Variants in LPAR1 observed in about 807,000 individuals in gnomAD.
LPAR1 encodes lysophosphatidic acid receptor 1, also known as LPA receptor 1.
LPAR1 carries 5 observed loss-of-function variants against 23.8 expected under a neutral mutation model. That is an observed-to-expected ratio of 0.21 (90% CI 0.11 to 0.44). The LOEUF (loss-of-function observed/expected upper bound fraction) is 0.44. Ranked by LOEUF, LPAR1 falls within the 20% of genes least tolerant of loss-of-function variation. LPAR1 has a pLI of 0.99. For missense variants in LPAR1, 311 were observed against 482.8 expected (o/e 0.64, Z 3.33); for synonymous variants, 160 against 164.7 (o/e 0.97, Z 0.22).
chr9:110,902,710 G>A (rs2182578), intron 5 of LPAR1, among the ~76,000 whole-genome samples: 24,840 of 152,120 alleles, frequency 0.16, 2,593 homozygotes, highest in Admixed American at 0.24. Flanking sequence ...ACAGCAGGTG[G>A]CTTGCAGCAC....
intron 2 of LPAR1, among the ~76,000 whole-genome samples, chr9:111,034,251 CTAA>C (rs1269388961): frequency 1.3e-5 from 2 of 152,206 alleles, no homozygotes. Flanking sequence ...CGGTTTCAAA[CTAA>C]TAATAATTCT....
intron 5 of LPAR1, among the ~76,000 whole-genome samples, chr9:110,899,533 G>A (rs966318634): frequency 6.6e-6 from 1 of 152,160 alleles, no homozygotes; most frequent in Non-Finnish European, 1.5e-5. Context: ...TAAGTGCAGG[G>A]AGTAGCAAGG....
At chr9:110,952,820 G>A (rs2095611975) in intron 4 of LPAR1, among the ~76,000 whole-genome samples, 2 of 152,074 alleles carry the variant, frequency 1.3e-5, no homozygotes, top group Non-Finnish European at 2.9e-5. Context: ...CAGCACTTGG[G>A]AGCCTGAGGA....
intron 2 of LPAR1, among the ~76,000 whole-genome samples, chr9:110,974,873 A>G (rs1351890128): frequency 6.6e-6 from 1 of 152,194 alleles, no homozygotes; most frequent in Non-Finnish European, 1.5e-5. Flanking sequence ...CCCAAGGTGC[A>G]CTGTTTTACA....
intron 2 of LPAR1, among the ~76,000 whole-genome samples, chr9:111,011,111 T>C (rs915932353): frequency 3.3e-5 from 5 of 152,152 alleles, no homozygotes; most frequent in Non-Finnish European, 5.9e-5. Context: ...ATCCTGGCAT[T>C]TATCATTTGT....
chr9:110,893,479 T>C (rs1588169885), intron 5 of LPAR1, among the ~76,000 whole-genome samples: 1 of 152,270 alleles, frequency 6.6e-6, no homozygotes, highest in East Asian at 1.9e-4. Flanking sequence ...GTACAACAGG[T>C]CACTTATAAA....
intron 4 of LPAR1, among the ~76,000 whole-genome samples, chr9:110,961,617 C>CAAAAAAAAAAA (rs57773067): frequency 3.8e-5 from 3 of 79,860 alleles, no homozygotes; most frequent in African/African-American, 9.3e-5. Context: ...GAGACTATCT[C>CAAAAAAAAAAA]AAAAAAAAAA....
intron 2 of LPAR1, among the ~76,000 whole-genome samples, chr9:111,011,891 A>G (rs148423463): frequency 1.5e-3 from 230 of 152,326 alleles, no homozygotes; most frequent in African/African-American, 5.3e-3. Context: ...GAAAATAATA[A>G]TAACTAAAGT....
chr9:110,963,420 A>G (rs1368070971), intron 4 of LPAR1, among the ~76,000 whole-genome samples: 2 of 152,340 alleles, frequency 1.3e-5, no homozygotes, highest in East Asian at 1.9e-4. Context: ...ATTCCTGGCA[A>G]TACGTTGGAG....
chr9:110,952,767 C>A (rs1222126487), intron 4 of LPAR1, among the ~76,000 whole-genome samples: 1 of 152,126 alleles, frequency 6.6e-6, no homozygotes, highest in Non-Finnish European at 1.5e-5. Flanking sequence ...CATTCCACTG[C>A]AGAACTGAGG....
chr9:110,915,707 AT>A (rs1418572296), intron 5 of LPAR1, among the ~76,000 whole-genome samples: 1 of 152,182 alleles, frequency 6.6e-6, no homozygotes, highest in Non-Finnish European at 1.5e-5. Flanking sequence ...GTACATACTC[AT>A]TTTTCTTAGA....
At chr9:110,978,883 A>C (rs1361271522) in intron 2 of LPAR1, among the ~76,000 whole-genome samples, 1 of 152,210 alleles carries the variant, frequency 6.6e-6, no homozygotes, top group East Asian at 1.9e-4. Context: ...CCACAGAAGT[A>C]GAGAGCAAAG....
chr9:110,883,603 C>A (rs1272647663), intron 5 of LPAR1, among the ~76,000 whole-genome samples: 6 of 152,290 alleles, frequency 3.9e-5, no homozygotes, highest in African/African-American at 1.4e-4. Context: ...ATGTGATGCC[C>A]TTAATTCTCT....
intron 5 of LPAR1, among the ~76,000 whole-genome samples, chr9:110,930,076 A>ACG (rs1359643592): frequency 6.6e-6 from 1 of 152,234 alleles, no homozygotes; most frequent in African/African-American, 2.4e-5. Flanking sequence ...TACAGACTGT[A>ACG]AAACACCATA....
intron 2 of LPAR1, among the ~76,000 whole-genome samples, chr9:110,980,093 C>T (rs529851387): frequency 6.6e-6 from 1 of 152,220 alleles, no homozygotes; most frequent in South Asian, 2.1e-4. Context: ...CCTATTAACA[C>T]TGAATAATGG....
At chr9:111,012,836 GGAA>G (rs2097360025) in intron 2 of LPAR1, among the ~76,000 whole-genome samples, 1 of 152,034 alleles carries the variant, frequency 6.6e-6, no homozygotes, top group Admixed American at 6.6e-5. Context: ...AGAAAGGAGA[GGAA>G]GAAGGAAGGA....
At chr9:111,002,481 G>A (rs1177731167) in intron 2 of LPAR1, among the ~76,000 whole-genome samples, 1 of 152,098 alleles carries the variant, frequency 6.6e-6, no homozygotes, top group Non-Finnish European at 1.5e-5. Context: ...ACTACTCATG[G>A]GGTGCCAAAG....
At position 110,892,767 on chromosome 9, in the gene LPAR1, GGGAAGGAAGGAAGGAA is replaced by G. The variant is rs757546909; in HGVS notation, c.794-17061_794-17046del. On this transcript the variant is annotated intron_variant, in intron 5 of 5. Coordinates refer to ENST00000683809, the MANE Select transcript of LPAR1 (RefSeq NM_001351411.2). The stretch of plus-strand genomic sequence containing the variant: ...AAGAGGGAGGGAGGAAGGGGAGGAA[GGGAAGGAAGGAAGGAA>G]GGAAGGAAGGAAGGAAGGAAGGAAG... 8.4e-3 allele frequency among the ~76,000 whole-genome samples: 818 copies of G among 97,342 alleles called. 12 individuals carry two copies. Among genetic ancestry groups the G allele is most frequent in the South Asian group, 0.021 (52 of 2,430 alleles). 63.9% of individuals were successfully genotyped at this position (97,342 alleles called of 152,430 possible).
At chr9:110,987,811 C>T (rs1053242069) in intron 2 of LPAR1, among the ~76,000 whole-genome samples, 2 of 151,776 alleles carry the variant, frequency 1.3e-5, no homozygotes, top group African/African-American at 2.4e-5. Flanking sequence ...CAACTGTACA[C>T]GTAACTGGAG....
Sources: gnomAD v4.1 joint callset for allele counts (sites outside exome capture counted in the v4.1 genomes callset) on GRCh38, gnomAD v4.1.1 for gene constraint, MANE v1.5 for transcripts, NCBI Gene and HGNC (gene_info 2026-07-23, HGNC 2026-07-21) for gene names.